CTNNA2: variants seen among roughly 807,000 people sequenced by gnomAD.
The protein encoded by CTNNA2 is catenin alpha 2.
Under a neutral mutation model 101.0 loss-of-function variants are expected in CTNNA2, and 42 were observed. The ratio of observed to expected loss-of-function variants is 0.42; its 90% CI spans 0.32 to 0.54. CTNNA2 has a LOEUF of 0.54. Ranked by LOEUF, CTNNA2 falls within the 20% of genes least tolerant of loss-of-function variation. CTNNA2 has a pLI of 0.14. For missense variants in CTNNA2, 871 were observed against 1,223.1 expected, an observed-to-expected ratio of 0.71 and a Z score of 4.29; for synonymous variants, 450 against 456.4, an observed-to-expected ratio of 0.99 and a Z score of 0.18.
chr2:80,355,933 C>CT (rs564774712), intron 7 of CTNNA2, among the ~76,000 whole-genome samples: 2 of 151,704 alleles, frequency 1.3e-5, no homozygotes, highest in South Asian at 2.1e-4. Flanking sequence ...TCACATTGTT[C>CT]TTTTTTTTCT....
chr2:80,090,031 A>G (rs563372321), intron 7 of CTNNA2, among the ~76,000 whole-genome samples: 1 of 152,020 alleles, frequency 6.6e-6, no homozygotes, highest in East Asian at 1.9e-4. Flanking sequence ...AGGATGTGGG[A>G]TGTTCATTCA....
intron 1 of CTNNA2, among the ~76,000 whole-genome samples, chr2:79,520,988 G>C (rs957665326): frequency 4.6e-5 from 7 of 151,188 alleles, no homozygotes; most frequent in Non-Finnish European, 1.5e-5. Context: ...TATGTACAAG[G>C]ACTTTTGCAT....
chr2:80,071,579 G>A (rs781069824), intron 7 of CTNNA2, among the ~76,000 whole-genome samples: 1 of 151,888 alleles, frequency 6.6e-6, no homozygotes, highest in Non-Finnish European at 1.5e-5. Context: ...ACCACTTGAT[G>A]TGTGGTTGGA....
At chr2:79,433,404 G>T (rs1451542) in intron 4 of CTNNA2, among the ~76,000 whole-genome samples, 105,561 of 151,882 alleles carry the variant, frequency 0.7, 37,717 homozygotes, top group African/African-American at 0.87. Context: ...TGCTGCTGGG[G>T]GTGCTTGTGC....
chr2:80,086,088 A>G (rs1699423850), intron 7 of CTNNA2, among the ~76,000 whole-genome samples: 1 of 152,116 alleles, frequency 6.6e-6, no homozygotes, highest in Admixed American at 6.6e-5. Context: ...TACAAGTAAT[A>G]GAAGACAATA....
intron 1 of CTNNA2, among the ~76,000 whole-genome samples, chr2:79,577,750 G>A (rs1675889110): frequency 6.6e-6 from 1 of 152,092 alleles, no homozygotes; most frequent in African/African-American, 2.4e-5. Flanking sequence ...CAACTCAATA[G>A]TGCTGTCTCT....
chr2:79,736,052 A>G (rs963751905), intron 2 of CTNNA2, among the ~76,000 whole-genome samples: 9 of 152,266 alleles, frequency 5.9e-5, no homozygotes, highest in African/African-American at 7.2e-5. Flanking sequence ...AAGAGATCCT[A>G]TTGTAGTAGT....
intron 16 of CTNNA2, among the ~76,000 whole-genome samples, chr2:80,606,863 A>G (rs1698072217): frequency 6.6e-6 from 1 of 151,912 alleles, no homozygotes; most frequent in Non-Finnish European, 1.5e-5. Context: ...TATTTGTATC[A>G]AAAGCCTTGT....
intron 17 of CTNNA2, among the ~76,000 whole-genome samples, chr2:80,614,984 T>C (rs1356337489): frequency 1.3e-5 from 2 of 151,470 alleles, no homozygotes; most frequent in Non-Finnish European, 1.5e-5. Flanking sequence ...TGTGATTTTT[T>C]TTTTCTTGTT....
intron 7 of CTNNA2, among the ~76,000 whole-genome samples, chr2:80,192,764 C>A (rs569967928): frequency 6.6e-6 from 1 of 152,186 alleles, no homozygotes; most frequent in Non-Finnish European, 1.5e-5. Context: ...CCACCCGCCT[C>A]GGCCTCCCAA....
intron 7 of CTNNA2, among the ~76,000 whole-genome samples, chr2:80,047,170 T>A (rs922227502): frequency 1.9e-4 from 29 of 152,180 alleles, no homozygotes; most frequent in Non-Finnish European, 4.4e-5. Context: ...TCAGTTCCTT[T>A]AGGCAATTTA....
At chr2:80,033,599 C>T (rs954209160) in intron 7 of CTNNA2, among the ~76,000 whole-genome samples, 3 of 151,998 alleles carry the variant, frequency 2.0e-5, no homozygotes, top group African/African-American at 7.2e-5. Flanking sequence ...AAACAAAAAA[C>T]ACTCACCAAA....
chr2:79,346,927 A>C (rs898374637), intron 3 of CTNNA2, among the ~76,000 whole-genome samples: 1 of 152,140 alleles, frequency 6.6e-6, no homozygotes, highest in African/African-American at 2.4e-5. Context: ...TTCTTCAGGC[A>C]CTGGGGGACT....
At chr2:80,001,994 G>T (rs9309554) in intron 7 of CTNNA2, among the ~76,000 whole-genome samples, 6,636 of 152,232 alleles carry the variant, frequency 0.044, 434 homozygotes, top group African/African-American at 0.15. Context: ...ATACCTCTCT[G>T]TACTTCCAAG....
chr2:79,982,075 G>A (rs966100049), intron 7 of CTNNA2, among the ~76,000 whole-genome samples: 2 of 149,710 alleles, frequency 1.3e-5, no homozygotes, highest in East Asian at 2.0e-4. Context: ...GTCTTGCTCT[G>A]TTATCCAGGC....
chr2:79,347,275 G>A (rs902074153), intron 3 of CTNNA2, among the ~76,000 whole-genome samples: 2 of 152,222 alleles, frequency 1.3e-5, no homozygotes, highest in South Asian at 2.1e-4. Context: ...AGAGCTATTA[G>A]TTAAGAGCTT....
At chr2:80,559,891 T>TATATATACAC (rs1553387588) in intron 12 of CTNNA2, among the ~76,000 whole-genome samples, 1 of 146,818 alleles carries the variant, frequency 6.8e-6, no homozygotes, top group South Asian at 2.1e-4. Flanking sequence ...TATATATATA[T>TATATATACAC]ACACACACAT....
At chr2:79,398,488 A>G (rs1173988298) in intron 4 of CTNNA2, among the ~76,000 whole-genome samples, 1 of 152,104 alleles carries the variant, frequency 6.6e-6, no homozygotes, top group African/African-American at 2.4e-5. Flanking sequence ...AAGAGTTTCC[A>G]TTTAAACAAA....
At chr2:79,673,864 C>T (rs1683014268) in intron 2 of CTNNA2, among the ~76,000 whole-genome samples, 1 of 152,150 alleles carries the variant, frequency 6.6e-6, no homozygotes, top group South Asian at 2.1e-4. Context: ...AAGCCACAGT[C>T]AATCTTTGTG....
Sources: allele counts gnomAD v4.1 joint callset (sites outside exome capture counted in the v4.1 genomes callset), GRCh38; gene constraint gnomAD v4.1.1; transcripts MANE v1.5; gene names NCBI Gene and HGNC (gene_info 2026-07-23, HGNC 2026-07-21).